Variants in KALRN observed in about 807,000 individuals in gnomAD.
KALRN encodes kalirin.
Under a neutral mutation model 353.7 loss-of-function variants are expected in KALRN, and 70 were observed. That is an observed-to-expected ratio of 0.20 (90% CI 0.16 to 0.24). KALRN has a LOEUF of 0.24. Among genes scored for constraint, KALRN ranks in the 10% least tolerant of loss-of-function variants. The probability of loss-of-function intolerance (pLI) is 1.00; values close to 1 mark genes in which losing one functional copy is unlikely to be tolerated. For missense variants in KALRN, 2,791 were observed against 3,756.7 expected (o/e 0.74, Z 6.72); for synonymous variants, 1,391 against 1,434.8 (o/e 0.97, Z 0.69).
In KALRN at chr3:124,633,806, G is replaced by C. The variant is rs745491987; in HGVS notation, c.5467-46G>C. On this transcript the variant is annotated intron_variant, in intron 35 of 59. Transcript: ENST00000682506. Reference sequence around the variant, plus strand: ...GTTAATGTCAAGTCCAGAACCACTGGCATGTTTGTGACACAGTAACTAATG... The same window carrying C: ...GTTAATGTCAAGTCCAGAACCACTGCCATGTTTGTGACACAGTAACTAATG... 2.6e-6 allele frequency: 4 copies of C among 1,532,234 alleles called. No individual in the cohort carries two copies. The African/African-American group carries it at 5.5e-5, about 21-fold the overall frequency. The allele number at this position is 1,532,234 out of a possible 1,614,324, so 94.9% of individuals were successfully genotyped here.
At chr3:124,214,393 A>G (rs1006805193) in intron 1 of KALRN, among the ~76,000 whole-genome samples, 1 of 152,208 alleles carries the variant, frequency 6.6e-6, no homozygotes, top group Non-Finnish European at 1.5e-5. Context: ...ATATAAAGCT[A>G]TCATAAATCT....
chr3:124,507,708 T>G (rs2065388660), intron 33 of KALRN, among the ~76,000 whole-genome samples: 1 of 152,236 alleles, frequency 6.6e-6, no homozygotes, highest in African/African-American at 2.4e-5. Flanking sequence ...ATACACATTA[T>G]ATGTATTTAT....
chr3:124,079,914 G>A (rs1035694076), intron 1 of KALRN: 10 of 312,124 alleles, frequency 3.2e-5, no homozygotes, highest in African/African-American at 4.3e-5. Context: ...TTGCAGGAAC[G>A]TGTTTGTTTC....
intron 25 of KALRN, among the ~76,000 whole-genome samples, chr3:124,463,802 A>G (rs2060076492): frequency 6.6e-6 from 1 of 152,172 alleles, no homozygotes; most frequent in Non-Finnish European, 1.5e-5. Context: ...CCTCCTGGTT[A>G]TTAATTCCTG....
At chr3:124,274,657 T>C (rs1426985194) in intron 5 of KALRN, among the ~76,000 whole-genome samples, 2 of 152,220 alleles carry the variant, frequency 1.3e-5, no homozygotes, top group African/African-American at 4.8e-5. Context: ...AAATGCATGG[T>C]TGGGAAACAC....
intron 1 of KALRN, among the ~76,000 whole-genome samples, chr3:124,133,637 T>C (rs961834536): frequency 2.0e-5 from 3 of 152,208 alleles, no homozygotes; most frequent in Admixed American, 1.3e-4. Context: ...TCTGGGGCTA[T>C]TGCCAAGTCC....
At chr3:124,114,246 G>C (rs766516073) in intron 1 of KALRN, among the ~76,000 whole-genome samples, 27 of 152,194 alleles carry the variant, frequency 1.8e-4, no homozygotes, top group Non-Finnish European at 3.8e-4. Flanking sequence ...CTTGGTACCT[G>C]TTTGTATGAT....
intron 8 of KALRN, among the ~76,000 whole-genome samples, chr3:124,331,212 C>T (rs1381832744): frequency 6.6e-6 from 1 of 152,150 alleles, no homozygotes; most frequent in Admixed American, 6.5e-5. Flanking sequence ...GCCTAAATGT[C>T]TATCAACCAA....
chr3:124,191,575 G>A (rs1197357880), intron 1 of KALRN, among the ~76,000 whole-genome samples: 1 of 152,214 alleles, frequency 6.6e-6, no homozygotes, highest in Non-Finnish European at 1.5e-5. Context: ...TGTGTCTGCT[G>A]GGGCTGGAAT....
chr3:124,311,322 G>A (rs1475934983), intron 6 of KALRN, among the ~76,000 whole-genome samples: 2 of 151,864 alleles, frequency 1.3e-5, no homozygotes, highest in East Asian at 3.9e-4. Flanking sequence ...AACTAACTGG[G>A]CATGGTGGGG....
chr3:124,699,967 G>T lies in KALRN; in HGVS notation c.7930G>T (p.Ala2644Ser), dbSNP rs767734817. 2.5e-6 allele frequency: 4 copies of T among 1,614,154 alleles called. No individual in the cohort carries two copies. The South Asian group carries it at 3.3e-5, about 13-fold the overall frequency. Residue 2644 changes from alanine (A) to serine (S), a missense_variant, in exon 56 of 60, where the codon GCC (alanine) becomes TCC (serine). By Grantham distance (99) the Ala-to-Ser change is moderately conservative. Around this residue, in one of 11 missense-constraint regions of KALRN, gnomAD observed 1,065 missense variants for 1,156.4 expected, o/e 0.92. Transcript: ENST00000682506. ...GTGTCCTTATCAGTTCAGAGTCAGTGCCAGTAACCCCTGGGGAATCAGCCT... is the reference window on the plus strand; with the variant it reads ...GTGTCCTTATCAGTTCAGAGTCAGTTCCAGTAACCCCTGGGGAATCAGCCT... Reference protein sequence around the residue: ...PGCPYQFRVSASNPWGISLPS... With the variant: ...PGCPYQFRVSSSNPWGISLPS...
chr3:124,213,770 C>T (rs751125448), intron 1 of KALRN, among the ~76,000 whole-genome samples: 3 of 152,072 alleles, frequency 2.0e-5, no homozygotes, highest in African/African-American at 7.2e-5. Flanking sequence ...TTTTACAGCT[C>T]ATTTGGACTT....
In KALRN at chr3:124,414,405, C is replaced by T. The variant is rs1036692853; in HGVS notation, c.2542+740C>T. Among the ~76,000 whole-genome samples, 59 of 152,272 alleles carry T rather than the reference C, an allele frequency of 3.9e-4. 1 individual carries two copies. The highest frequency in any genetic ancestry group is 8.4e-4 in the African/African-American group (35 of 41,558). On this transcript the variant is annotated intron_variant, in intron 14 of 59. Coordinates refer to ENST00000682506, the MANE Select transcript of KALRN (RefSeq NM_001388419.1). ...TACTCCTAAGCTATCTCCTTGTCTC[C>T]GGTTCCTGTTTCTCAGTCTCCTCAA...
chr3:124,474,349 T>C (rs950372910), intron 25 of KALRN, among the ~76,000 whole-genome samples: 6 of 152,192 alleles, frequency 3.9e-5, no homozygotes, highest in African/African-American at 1.4e-4. Flanking sequence ...AGATTACTTG[T>C]GTAAAAAAGT....
chr3:124,420,270 CAT>C (rs889702086), intron 14 of KALRN, among the ~76,000 whole-genome samples: 15 of 152,204 alleles, frequency 9.9e-5, no homozygotes, highest in African/African-American at 3.4e-4. Context: ...TGATAAGTAA[CAT>C]GTGGTGTGGC....
intron 1 of KALRN, among the ~76,000 whole-genome samples, chr3:124,145,249 CAACA>C (rs1414600319): frequency 6.6e-6 from 1 of 152,152 alleles, no homozygotes; most frequent in Admixed American, 6.5e-5. Context: ...TTCATCTACT[CAACA>C]AACATTTAAG....
intron 7 of KALRN, 70 bp from the exon 8 acceptor site, chr3:124,329,789 CCT>C: frequency 1.3e-6 from 2 of 1,531,254 alleles, no homozygotes; most frequent in Non-Finnish European, 1.8e-6. Flanking sequence ...GGTATCTGAC[CCT>C]CTCTCCATAA....
intron 33 of KALRN, 45 bp downstream of exon 33, chr3:124,496,458 G>A: frequency 7.3e-7 from 1 of 1,378,552 alleles, no homozygotes. Context: ...CTTCTTGATG[G>A]CTCAACCACC....
At chr3:124,625,438 C>T (rs1292612560) in intron 34 of KALRN, among the ~76,000 whole-genome samples, 1 of 152,106 alleles carries the variant, frequency 6.6e-6, no homozygotes, top group Admixed American at 6.6e-5. Context: ...AAGTATTGGT[C>T]TGGCCAGGTA....
Sources: gnomAD v4.1 joint callset for allele counts (sites outside exome capture counted in the v4.1 genomes callset) on GRCh38, gnomAD v4.1.1 for gene constraint, gnomAD v4.1.1 regional missense constraint, MANE v1.5 for transcripts, NCBI Gene and HGNC (gene_info 2026-07-23, HGNC 2026-07-21) for gene names.